Variants in LIF observed in about 807,000 individuals in gnomAD.
LIF encodes the protein LIF interleukin 6 family cytokine.
Under a neutral mutation model 15.0 loss-of-function variants are expected in LIF, and 9 were observed. That is an observed-to-expected ratio of 0.60 (90% CI 0.36 to 1.04). The LOEUF is 1.04. Among genes scored for constraint, LIF ranks in the 50% least tolerant of loss-of-function variants. LIF has a pLI of 0.01. For missense variants in LIF, 240 were observed against 266.7 expected (o/e 0.90, Z 0.70); for synonymous variants, 122 against 119.7 (o/e 1.02, Z -0.13).
chr22:30,243,523 C>CG lies in LIF; in HGVS notation c.*127dup. On this transcript the variant is annotated 3_prime_UTR_variant, in exon 3 of 3. Transcript: ENST00000249075. This position sits in a 1 kb window ranked among gnomAD's most constrained non-coding sequence, Gnocchi z 6.0. ...GTGGAGTGGACTGGCCAGGCACCCT[C>CG]GGGGTCTGCCAGCAGCCCCCATTTG... The CG allele has an allele frequency of 1.7e-6, 2 of 1,167,270 alleles. No individual in the cohort carries two copies. Among genetic ancestry groups the CG allele is most frequent in the Non-Finnish European group, 2.5e-6 (2 of 795,418 alleles). The allele number at this position is 1,167,270 out of a possible 1,614,324, so 72.3% of individuals were successfully genotyped here.
Position 30,242,333 on chromosome 22 carries a change from G to C in LIF, c.*1318C>G, listed in dbSNP as rs76271737. ...AGCAAGTCACAGTAGGGGATGGGGGGGGGTGGAGCAAGGCCCCCCACTCCC... is the reference window on the plus strand; with the variant it reads ...AGCAAGTCACAGTAGGGGATGGGGGCGGGTGGAGCAAGGCCCCCCACTCCC... On this transcript the variant is annotated 3_prime_UTR_variant, in exon 3 of 3. Transcript: ENST00000249075. 3 of 147,438 alleles carry C rather than the reference G, an allele frequency of 2.0e-5. No individual in the cohort carries two copies. Among genetic ancestry groups the C allele is most frequent in the African/African-American group, 4.9e-5 (2 of 40,652 alleles). 9.1% of individuals were successfully genotyped at this position (147,438 alleles called of 1,614,324 possible).
rs751571459 is a variant in LIF at position 30,244,893 on chromosome 22, C to T, written c.60G>A (p.Gly20=). 6.2e-7 allele frequency: 1 copy of T among 1,614,162 alleles called. No homozygotes were observed. Among genetic ancestry groups the T allele is most frequent in the Non-Finnish European group, 8.5e-7 (1 of 1,180,020 alleles). The change falls in exon 2 of 3, where the codon GGG becomes GGA. Residue 20 remains glycine (G), a synonymous_variant. Coordinates refer to ENST00000249075, the MANE Select transcript of LIF (RefSeq NM_002309.5). The part of the protein sequence containing the change: ...PLLLVLHWKH[G]AGSPLPITPV... ...GGGTGATGGGGAGGGGGCTCCCCGC[C>T]CCATGTTTCCAGTGCAGAACCAACA... is the stretch of plus-strand genomic sequence containing the variant.
At chr22:30,246,574 T>C in intron 1 of LIF, 103 bp downstream of exon 1, 1 of 1,489,862 alleles carries the variant, frequency 6.7e-7, no homozygotes, top group East Asian at 2.6e-5. Flanking sequence ...AGTGTTCGTG[T>C]GTCTGCGGCG....
rs750759702 is a variant in LIF, at chr22:30,244,058, T to C, written c.202A>G (p.Thr68Ala). ...TTGGGGAACGGCTCCCCCTGGGCTG[T>C]GTACTGAGGGGCAGAAGGGAGGTGA... Reference protein sequence around the residue: ...SANALFILYYTAQGEPFPNNL... With the variant: ...SANALFILYYAAQGEPFPNNL... Residue 68 changes from threonine to alanine, a missense_variant, in exon 3 of 3, where the codon ACA (threonine) becomes GCA (alanine). Coordinates refer to ENST00000249075, the MANE Select transcript of LIF (RefSeq NM_002309.5). 1.2e-6 allele frequency: 2 copies of C among 1,600,054 alleles called. No individual in the cohort carries two copies. Among genetic ancestry groups the C allele is most frequent in the Admixed American group, 1.7e-5 (1 of 59,890 alleles).
At chr22:30,246,479 G>T in intron 1 of LIF, 198 bp downstream of exon 1, 1 of 1,224,854 alleles carries the variant, frequency 8.2e-7, no homozygotes, top group Non-Finnish European at 1.0e-6. Flanking sequence ...CCAACCTGCC[G>T]CGGGGCGTGC....
Position 30,244,863 on chromosome 22 carries a change from G to T in LIF, c.90C>A (p.Val30=). 1 of 1,614,208 alleles carries T rather than the reference G, an allele frequency of 6.2e-7. No homozygotes were observed. Among genetic ancestry groups the T allele is most frequent in the Non-Finnish European group, 8.5e-7 (1 of 1,180,002 alleles). The change falls in exon 2 of 3, where the codon GTC becomes GTA. Residue 30 remains valine, a synonymous_variant. Coordinates refer to ENST00000249075, the MANE Select transcript of LIF (RefSeq NM_002309.5). ...GAGSPLPITP[V]NATCAIRHPC... is the part of the protein sequence containing the mutation. ...GGTGGCGTATGGCACAGGTGGCGTT[G>T]ACAGGGGTGATGGGGAGGGGGCTCC...
chr22:30,245,042 G>C (rs777256682), intron 1 of LIF, 109 bp from the exon 2 acceptor site: 3 of 1,028,158 alleles, frequency 2.9e-6, no homozygotes, highest in Admixed American at 2.0e-5. Flanking sequence ...GAGGACTCCT[G>C]GTTCCCCCTC....
Position 30,242,093 on chromosome 22 carries a change from C to T in LIF, c.*1558G>A. The T allele has an allele frequency of 6.5e-6, 1 of 153,148 alleles. No homozygotes were observed. Among genetic ancestry groups the T allele is most frequent in the Non-Finnish European group, 1.5e-5 (1 of 68,354 alleles). 9.5% of individuals were successfully genotyped at this position (153,148 alleles called of 1,614,324 possible). A position where few individuals can be genotyped will look rare whatever the true frequency, so the allele number is the denominator to read the frequency against. On this transcript the variant is annotated 3_prime_UTR_variant, in exon 3 of 3. Coordinates refer to ENST00000249075, the MANE Select transcript of LIF (RefSeq NM_002309.5). Reference sequence around the variant, plus strand: ...TTCCAGGGCGCTATTTCAGAGGCAGCATGGGGACACAGAAACAAGGACAGG... The same window carrying T: ...TTCCAGGGCGCTATTTCAGAGGCAGTATGGGGACACAGAAACAAGGACAGG...
Position 30,241,418 on chromosome 22 carries a change from T to A in LIF, c.*2233A>T, listed in dbSNP as rs1236981658. On this transcript the variant is annotated 3_prime_UTR_variant, in exon 3 of 3. Coordinates refer to ENST00000249075, the MANE Select transcript of LIF (RefSeq NM_002309.5). This position sits in a 1 kb window ranked among gnomAD's most constrained non-coding sequence, Gnocchi z 4.4. ...GGATGAAGCAGGAAGGAGAAGGCAG[T>A]CCCTGCATCCTGGACAAGGGTGAGT... 6.6e-6 allele frequency: 1 copy of A among 152,622 alleles called. No individual in the cohort carries two copies. 9.5% of individuals were successfully genotyped at this position (152,622 alleles called of 1,614,324 possible).
intron 1 of LIF, among the ~76,000 whole-genome samples, chr22:30,245,984 T>G (rs930353421): frequency 2.6e-5 from 4 of 152,142 alleles, no homozygotes; most frequent in Non-Finnish European, 4.4e-5. Context: ...CTGAAGATGG[T>G]GGGGGCCGGG....
At position 30,246,708 on chromosome 22, in the gene LIF, T is replaced by TTGGAGCAAACC; in HGVS notation, c.-14_-13insGGTTTGCTCCA. 1 of 1,555,768 alleles carries TTGGAGCAAACC rather than the reference T, an allele frequency of 6.4e-7. No individual in the cohort carries two copies. Among genetic ancestry groups the TTGGAGCAAACC allele is most frequent in the Non-Finnish European group, 8.7e-7 (1 of 1,148,692 alleles). The stretch of plus-strand genomic sequence containing the variant: ...CCAAGACCTTCATTATGGGCTGCAC[T>TTGGAGCAAACC]TCAGAGGGCCTTGGAGGAAACCTCA... On this transcript the variant is annotated 5_prime_UTR_variant, in exon 1 of 3. Transcript: ENST00000249075.
At position 30,243,398 on chromosome 22, in the gene LIF, C is replaced by G. The variant is rs988796650; in HGVS notation, c.*253G>C. 8.6e-5 allele frequency: 50 copies of G among 580,514 alleles called. No individual in the cohort carries two copies. Among genetic ancestry groups the G allele is most frequent in the African/African-American group, 8.6e-4 (46 of 53,490 alleles). The allele number at this position is 580,514 out of a possible 1,614,324, so 36.0% of individuals were successfully genotyped here. On this transcript the variant is annotated 3_prime_UTR_variant, in exon 3 of 3. Coordinates refer to ENST00000249075, the MANE Select transcript of LIF (RefSeq NM_002309.5). This position sits in a 1 kb window ranked among gnomAD's most constrained non-coding sequence, Gnocchi z 6.0. ...AGTAGAGGCAGAAGTCCAGCCCACGCTCCCCAGTCCACAATCTCCCAGAGG... is the reference window on the plus strand; with the variant it reads ...AGTAGAGGCAGAAGTCCAGCCCACGGTCCCCAGTCCACAATCTCCCAGAGG...
intron 1 of LIF, chr22:30,246,456 C>G: frequency 8.2e-7 from 1 of 1,212,480 alleles, no homozygotes; most frequent in South Asian, 3.7e-5. Flanking sequence ...GCTCGGCGCC[C>G]CCTCCCTCGC....
chr22:30,241,162 A>G lies in LIF; in HGVS notation c.*2489T>C, dbSNP rs554344736. 130 of 152,386 alleles carry G rather than the reference A, an allele frequency of 8.5e-4. 1 individual carries two copies. The highest frequency in any genetic ancestry group is 3.4e-3 in the Middle Eastern group (1 of 296). 9.4% of individuals were successfully genotyped at this position (152,386 alleles called of 1,614,324 possible). A position where few individuals can be genotyped will look rare whatever the true frequency, so the allele number is the denominator to read the frequency against. On this transcript the variant is annotated 3_prime_UTR_variant, in exon 3 of 3. Transcript: ENST00000249075. The surrounding 1 kb of genome is among the most constrained non-coding windows in gnomAD (Gnocchi z 4.4). Reference sequence around the variant, plus strand: ...CGCCAAGCTGCCGGACGGGATCTGGAGGGAGCACTGAGGATGGGTCCCATG... The same window carrying G: ...CGCCAAGCTGCCGGACGGGATCTGGGGGGAGCACTGAGGATGGGTCCCATG...
At chr22:30,246,307 G>GGAAA (rs985229189) in intron 1 of LIF, 3 of 365,018 alleles carry the variant, frequency 8.2e-6, no homozygotes, top group African/African-American at 2.2e-5. Context: ...AGGAGAAAGC[G>GGAAA]GAAAGAAAGA....
rs146324788 is a variant in LIF, at chr22:30,243,674, C to G, written c.586G>C (p.Ala196Pro). 1.2e-6 allele frequency: 2 copies of G among 1,614,098 alleles called. No homozygotes were observed. The highest frequency in any genetic ancestry group is 2.7e-5 in the African/African-American group (2 of 74,940). The change falls in exon 3 of 3, where the codon GCC becomes CCC. Residue 196 changes from alanine to proline, a missense_variant. Transcript: ENST00000249075. This position sits in a 1 kb window ranked among gnomAD's most constrained non-coding sequence, Gnocchi z 6.0. Reference sequence around the variant, plus strand: ...TGCTAGAAGGCCTGGGCCAACACGGCGATGATCTGCTTATACTTCCCCAGG... The same window carrying G: ...TGCTAGAAGGCCTGGGCCAACACGGGGATGATCTGCTTATACTTCCCCAGG... ...QLLGKYKQII[A>P]VLAQAF
intron 1 of LIF, 25 bp from the exon 2 acceptor site, chr22:30,244,958 T>C (rs1349233959): frequency 6.2e-7 from 1 of 1,613,150 alleles, no homozygotes; most frequent in Non-Finnish European, 8.5e-7. Context: ...GAAGAAGCCA[T>C]GAGTAGAAAG....
chr22:30,242,322 G>A lies in LIF; in HGVS notation c.*1329C>T, dbSNP rs1459290077. On this transcript the variant is annotated 3_prime_UTR_variant, in exon 3 of 3. Transcript: ENST00000249075. Reference sequence around the variant, plus strand: ...TGACACCCTAAAGCAAGTCACAGTAGGGGATGGGGGGGGGTGGAGCAAGGC... The same window carrying A: ...TGACACCCTAAAGCAAGTCACAGTAAGGGATGGGGGGGGGTGGAGCAAGGC... The A allele has an allele frequency of 8.1e-6, 1 of 123,354 alleles. No homozygotes were observed. The highest frequency in any genetic ancestry group is 3.0e-5 in the African/African-American group (1 of 33,506). The allele number at this position is 123,354 out of a possible 1,614,324, so 7.6% of individuals were successfully genotyped here. A position where few individuals can be genotyped will look rare whatever the true frequency, so the allele number is the denominator to read the frequency against.
rs1454138343 is a variant in LIF at position 30,243,864 on chromosome 22, G to T, written c.396C>A (p.Ser132Arg). 1 of 1,614,138 alleles carries T rather than the reference G, an allele frequency of 6.2e-7. No homozygotes were observed. Among genetic ancestry groups the T allele is most frequent in the African/African-American group, 1.3e-5 (1 of 74,946 alleles). The part of the protein sequence containing the change: ...DQKILNPSAL[S>R]LHSKLNATAD... ...CGGTGGCGTTGAGCTTGCTGTGGAG[G>T]CTGAGGGCACTGGGGTTGAGGATCT... The change falls in exon 3 of 3, where the codon AGC (serine) becomes AGA (arginine). Residue 132 changes from serine to arginine, a missense_variant. Ser to Arg is a moderately radical substitution (Grantham distance 110). Transcript: ENST00000249075. This position sits in a 1 kb window ranked among gnomAD's most constrained non-coding sequence, Gnocchi z 6.0.
Sources: allele counts gnomAD v4.1 joint callset (sites outside exome capture counted in the v4.1 genomes callset), GRCh38; gene constraint gnomAD v4.1.1; non-coding constraint Gnocchi (gnomAD v3.1); transcripts MANE v1.5; gene names NCBI Gene and HGNC (gene_info 2026-07-23, HGNC 2026-07-21).